The following AGTPBP1 variants were observed in gnomAD, a reference collection of about 807,000 sequenced individuals.
AGTPBP1 encodes ATP/GTP binding carboxypeptidase 1.
AGTPBP1 carries 70 observed loss-of-function variants against 143.9 expected under a neutral mutation model. The ratio of observed to expected loss-of-function variants is 0.49; its 90% CI spans 0.40 to 0.59. The LOEUF (loss-of-function observed/expected upper bound fraction) is 0.59. Ranked by LOEUF, AGTPBP1 falls within the 20% of genes least tolerant of loss-of-function variation. AGTPBP1 has a pLI of 0.00. For missense variants in AGTPBP1, 1,229 were observed against 1,464.5 expected, an observed-to-expected ratio of 0.84 and a Z score of 2.62; for synonymous variants, 463 against 500.2, an observed-to-expected ratio of 0.93 and a Z score of 0.99.
intron 13 of AGTPBP1, among the ~76,000 whole-genome samples, chr9:85,634,124 G>A (rs1042774048): frequency 1.3e-5 from 2 of 150,004 alleles, no homozygotes; most frequent in East Asian, 3.9e-4. Context: ...AACCCAGGAG[G>A]TGGAGGTTGC....
In AGTPBP1 at chr9:85,723,238, T is replaced by C. The variant is rs533234107; in HGVS notation, c.-33-10672A>G. Among the ~76,000 whole-genome samples, 3 of 152,370 alleles carry C rather than the reference T, an allele frequency of 2.0e-5. No homozygotes were observed. In the East Asian group the frequency reaches 5.8e-4, roughly 29 times the overall value. ...GTCAGACAGGGAAAATTAGGTCTGC[T>C]GAAGCTGTCTGCTGCCTTTTCTTCT... On this transcript the variant is annotated intron_variant, in intron 1 of 25. Coordinates refer to ENST00000357081, the MANE Select transcript of AGTPBP1 (RefSeq NM_001330701.2).
intron 6 of AGTPBP1, among the ~76,000 whole-genome samples, chr9:85,675,641 G>A (rs1834777940): frequency 6.6e-6 from 1 of 152,074 alleles, no homozygotes. Flanking sequence ...ACACACTTGT[G>A]ACCCAAAACT....
At chr9:85,741,700 G>T in intron 1 of AGTPBP1, 75 bp downstream of exon 1, 1 of 1,266,020 alleles carries the variant, frequency 7.9e-7, no homozygotes, top group South Asian at 2.7e-5. Context: ...GGGCGCCGTC[G>T]CTCGCATCTC....
intron 17 of AGTPBP1, among the ~76,000 whole-genome samples, chr9:85,614,805 T>A (rs1032373650): frequency 6.6e-6 from 1 of 152,024 alleles, no homozygotes; most frequent in Admixed American, 6.6e-5. Flanking sequence ...TTCAAACCAA[T>A]GGGGACATGT....
the AGTPBP1 span, among the ~76,000 whole-genome samples, chr9:85,759,238 C>G: frequency 6.6e-6 from 1 of 152,224 alleles, no homozygotes; most frequent in East Asian, 1.9e-4. Context: ...CAAGGATATC[C>G]AGAAATTGAA....
chr9:85,801,195 C>G, the AGTPBP1 span, among the ~76,000 whole-genome samples: 1 of 151,946 alleles, frequency 6.6e-6, no homozygotes, highest in Non-Finnish European at 1.5e-5. Context: ...ACCTGTAGTC[C>G]CAGCTACTCG....
chr9:85,706,271 G>C (rs1836991216), intron 2 of AGTPBP1, among the ~76,000 whole-genome samples: 1 of 151,602 alleles, frequency 6.6e-6, no homozygotes, highest in Admixed American at 6.6e-5. Context: ...CCAGCACTTT[G>C]GGAGCCAAGG....
At chr9:85,730,650 A>C (rs1317204089) in intron 1 of AGTPBP1, among the ~76,000 whole-genome samples, 1 of 152,184 alleles carries the variant, frequency 6.6e-6, no homozygotes, top group Non-Finnish European at 1.5e-5. Flanking sequence ...CTAGTGCTGT[A>C]CCATAGCTTG....
intron 25 of AGTPBP1, among the ~76,000 whole-genome samples, chr9:85,553,441 T>C (rs1826149572): frequency 1.3e-5 from 2 of 152,246 alleles, no homozygotes; most frequent in South Asian, 4.1e-4. Context: ...GACTGCAGGC[T>C]ACTGTTTAAG....
intron 1 of AGTPBP1, 81 bp from the exon 2 acceptor site, chr9:85,712,647 A>C (rs944639139): frequency 1.6e-6 from 1 of 609,574 alleles, no homozygotes; most frequent in Admixed American, 4.1e-5. Context: ...CATACAATGG[A>C]AAGTTTTCAT....
At chr9:85,753,535 C>T in the AGTPBP1 span, 1 of 1,413,986 alleles carries the variant, frequency 7.1e-7, no homozygotes, top group Non-Finnish European at 9.6e-7. Flanking sequence ...GGGTGGATCA[C>T]CTGCGGTCAG....
At chr9:85,741,027 G>T (rs1263166463) in intron 1 of AGTPBP1, among the ~76,000 whole-genome samples, 1 of 152,114 alleles carries the variant, frequency 6.6e-6, no homozygotes, top group East Asian at 1.9e-4. Flanking sequence ...CCGCACAAGG[G>T]GTAAAACAAC....
the AGTPBP1 span, among the ~76,000 whole-genome samples, chr9:85,768,222 T>C: frequency 6.6e-6 from 1 of 152,242 alleles, no homozygotes; most frequent in Non-Finnish European, 1.5e-5. Flanking sequence ...TTAACTTAGA[T>C]CTAAAACCAT....
intron 2 of AGTPBP1, among the ~76,000 whole-genome samples, chr9:85,710,273 A>T (rs1231911376): frequency 1.3e-5 from 2 of 152,108 alleles, no homozygotes; most frequent in African/African-American, 4.8e-5. Flanking sequence ...AAGCTAGGTA[A>T]AAGTATTTCA....
chr9:85,547,426 C>G, intron 25 of AGTPBP1, 140 bp from the exon 26 acceptor site: 2 of 689,926 alleles, frequency 2.9e-6, no homozygotes, highest in Non-Finnish European at 4.2e-6. Flanking sequence ...TCCAAATGAA[C>G]AAGTTGAAAT....
At chr9:85,764,854 G>C in the AGTPBP1 span, 4 of 1,289,764 alleles carry the variant, frequency 3.1e-6, no homozygotes, top group African/African-American at 4.4e-5. Context: ...AGAAAGAAAA[G>C]GATCAGCTCC....
At chr9:85,666,380 T>C (rs578129931) in intron 8 of AGTPBP1, among the ~76,000 whole-genome samples, 7 of 152,234 alleles carry the variant, frequency 4.6e-5, no homozygotes, top group South Asian at 4.1e-4. Flanking sequence ...ATGTGGAGCA[T>C]TGTTTAAAGG....
chr9:85,759,937 A>G, the AGTPBP1 span, among the ~76,000 whole-genome samples: 1 of 152,178 alleles, frequency 6.6e-6, no homozygotes, highest in Non-Finnish European at 1.5e-5. Context: ...TAAAGGGGAT[A>G]TCACCACCGA....
intron 1 of AGTPBP1, among the ~76,000 whole-genome samples, chr9:85,717,256 C>T (rs1837765475): frequency 1.3e-5 from 2 of 152,188 alleles, no homozygotes; most frequent in African/African-American, 2.4e-5. Flanking sequence ...GCAATCCCAA[C>T]ACTTTGGGAG....
Sources: gnomAD v4.1 joint callset for allele counts (sites outside exome capture counted in the v4.1 genomes callset) on GRCh38, gnomAD v4.1.1 for gene constraint, MANE v1.5 for transcripts, NCBI Gene and HGNC (gene_info 2026-07-23, HGNC 2026-07-21) for gene names.